SNTG2: variants seen among roughly 807,000 people sequenced by gnomAD.
SNTG2 encodes the protein gamma-2-syntrophin.
SNTG2 carries 74 observed loss-of-function variants against 70.9 expected under a neutral mutation model. The observed-to-expected ratio is 1.04, with a 90% confidence interval of 0.86 to 1.27. The LOEUF (loss-of-function observed/expected upper bound fraction) is 1.27, where lower values mean the gene tolerates loss of function less well. Ranked by LOEUF, SNTG2 falls within the 50% of genes most tolerant of loss-of-function variation. The pLI, the probability that SNTG2 is intolerant of heterozygous loss-of-function variation, is 0.00. For missense variants in SNTG2, 717 were observed against 690.7 expected (o/e 1.04, Z -0.43); for synonymous variants, 278 against 273.8 (o/e 1.02, Z -0.15).
At chr2:1,080,021 T>C (rs1664178483) in intron 1 of SNTG2, among the ~76,000 whole-genome samples, 1 of 152,228 alleles carries the variant, frequency 6.6e-6, no homozygotes, top group Non-Finnish European at 1.5e-5. Flanking sequence ...CTGCACCCTG[T>C]TCCGGGTCCT....
chr2:1,148,906 C>T (rs1046760532), intron 6 of SNTG2, among the ~76,000 whole-genome samples: 1 of 152,150 alleles, frequency 6.6e-6, no homozygotes, highest in African/African-American at 2.4e-5. Context: ...CTGGCAGGTA[C>T]ACCCTCTGCA....
At chr2:1,262,739 G>C (rs36182083) in intron 13 of SNTG2, 30,269 of 101,470 alleles carry the variant, frequency 0.3, 4,213 homozygotes, top group African/African-American at 0.49. Flanking sequence ...CGAGGCAACC[G>C]GAAGGCTCCG....
chr2:1,055,862 C>A (rs1250549821), intron 1 of SNTG2, among the ~76,000 whole-genome samples: 1 of 152,134 alleles, frequency 6.6e-6, no homozygotes, highest in Non-Finnish European at 1.5e-5. Context: ...GCAGAATGAG[C>A]AGGTGTCTTT....
intron 1 of SNTG2, among the ~76,000 whole-genome samples, chr2:1,045,655 C>A (rs1558338140): frequency 6.6e-6 from 1 of 152,122 alleles, no homozygotes; most frequent in Non-Finnish European, 1.5e-5. Flanking sequence ...CATTCAGGGG[C>A]AGATTTTTTA....
rs1426087673 is a variant in SNTG2 at position 1,239,734 on chromosome 2, A to G, written c.850-4A>G. On this transcript the variant is annotated splice_region_variant and splice_polypyrimidine_tract_variant and intron_variant, in intron 10 of 16. Transcript: ENST00000308624. ...GCCCTGACTCTTCTGCCTTCTCTCC[A>G]CAGATGAAGATGGCGAACAAATGCT... 6.2e-7 allele frequency: 1 copy of G among 1,613,176 alleles called. No homozygotes were observed. Among genetic ancestry groups the G allele is most frequent in the South Asian group, 1.1e-5 (1 of 90,642 alleles).
At chr2:1,065,658 A>C (rs1319595547) in intron 1 of SNTG2, among the ~76,000 whole-genome samples, 3 of 152,198 alleles carry the variant, frequency 2.0e-5, no homozygotes, top group Non-Finnish European at 4.4e-5. Context: ...CAAATCATGA[A>C]CTTTCTTCCT....
intron 6 of SNTG2, among the ~76,000 whole-genome samples, chr2:1,145,652 C>T (rs954367304): frequency 1.4e-4 from 22 of 152,190 alleles, no homozygotes; most frequent in Non-Finnish European, 1.5e-5. Flanking sequence ...CAATTGTCTA[C>T]AATCACTTTC....
At chr2:1,331,243 G>A (rs772870883) in intron 16 of SNTG2, among the ~76,000 whole-genome samples, 3 of 152,192 alleles carry the variant, frequency 2.0e-5, no homozygotes, top group Non-Finnish European at 4.4e-5. Flanking sequence ...TCACCTTTTA[G>A]TTTGGAGCTA....
At chr2:1,084,653 TC>T (rs2148175647) in intron 2 of SNTG2, among the ~76,000 whole-genome samples, 1 of 152,280 alleles carries the variant, frequency 6.6e-6, no homozygotes, top group African/African-American at 2.4e-5. Context: ...TGTAACAAAA[TC>T]CCCAAGCTGG....
rs558743651 is a variant in SNTG2, at chr2:1,243,723, C to T, written c.889-3604C>T. Reference sequence around the variant, plus strand: ...AATTGCAGCGCATGATTAAGTGTTTCGTGAACAGAACGAGTAAGATCAAGG... The same window carrying T: ...AATTGCAGCGCATGATTAAGTGTTTTGTGAACAGAACGAGTAAGATCAAGG... On this transcript the variant is annotated intron_variant, in intron 11 of 16. Coordinates refer to ENST00000308624, the MANE Select transcript of SNTG2 (RefSeq NM_018968.4). Among the ~76,000 whole-genome samples the T allele has an allele frequency of 6.6e-5, 10 of 152,258 alleles. No individual in the cohort carries two copies. The South Asian group carries it at 1.5e-3, about 22-fold the overall frequency.
At chr2:1,113,848 G>A (rs1336720207) in intron 4 of SNTG2, among the ~76,000 whole-genome samples, 1 of 132,398 alleles carries the variant, frequency 7.6e-6, no homozygotes, top group Non-Finnish European at 1.7e-5. Flanking sequence ...AGGATCGTGT[G>A]TACTAAGTGA....
At chr2:1,066,917 A>G (rs1324731760) in intron 1 of SNTG2, among the ~76,000 whole-genome samples, 1 of 152,010 alleles carries the variant, frequency 6.6e-6, no homozygotes, top group African/African-American at 2.4e-5. Flanking sequence ...TACGCTCCTC[A>G]TCTTCAAAGC....
At chr2:1,048,369 A>C (rs1661861881) in intron 1 of SNTG2, among the ~76,000 whole-genome samples, 1 of 152,176 alleles carries the variant, frequency 6.6e-6, no homozygotes, top group African/African-American at 2.4e-5. Flanking sequence ...ACCAGTCAAG[A>C]GTGAATTAGT....
At chr2:1,064,577 T>C (rs571734418) in intron 1 of SNTG2, among the ~76,000 whole-genome samples, 18 of 152,230 alleles carry the variant, frequency 1.2e-4, no homozygotes, top group African/African-American at 3.6e-4. Flanking sequence ...TTGAAGATTC[T>C]TACATCGTTC....
At chr2:1,333,234 A>G (rs577646341) in intron 16 of SNTG2, among the ~76,000 whole-genome samples, 1 of 152,338 alleles carries the variant, frequency 6.6e-6, no homozygotes, top group African/African-American at 2.4e-5. Flanking sequence ...TTAGGAATAT[A>G]CCTAACCAAG....
intron 16 of SNTG2, among the ~76,000 whole-genome samples, chr2:1,337,197 G>T (rs574215460): frequency 1.3e-5 from 2 of 152,172 alleles, no homozygotes; most frequent in Admixed American, 1.3e-4. Context: ...AAATTATTCG[G>T]GTATTGAACA....
At chr2:1,136,839 C>A (rs75822965) in intron 4 of SNTG2, among the ~76,000 whole-genome samples, 1 of 152,172 alleles carries the variant, frequency 6.6e-6, no homozygotes, top group African/African-American at 2.4e-5. Flanking sequence ...CTTTCTCATA[C>A]AAAGTTTTTC....
At chr2:1,100,254 C>T (rs1025827378) in intron 4 of SNTG2, among the ~76,000 whole-genome samples, 2 of 152,012 alleles carry the variant, frequency 1.3e-5, no homozygotes, top group Non-Finnish European at 1.5e-5. Flanking sequence ...GCAACCTCCA[C>T]CTCCCAGGTT....
chr2:1,081,979 C>A (rs1279023883), intron 1 of SNTG2, among the ~76,000 whole-genome samples: 1 of 152,200 alleles, frequency 6.6e-6, no homozygotes, highest in Admixed American at 6.5e-5. Context: ...TGCAGTGGGG[C>A]ACACACTCTT....
Sources: gnomAD v4.1 joint callset for allele counts (sites outside exome capture counted in the v4.1 genomes callset) on GRCh38, gnomAD v4.1.1 for gene constraint, MANE v1.5 for transcripts, NCBI Gene and HGNC (gene_info 2026-07-23, HGNC 2026-07-21) for gene names.